Variants in EVL observed in about 807,000 individuals in gnomAD.
EVL encodes the protein ena/VASP-like protein.
Under a neutral mutation model 59.6 loss-of-function variants are expected in EVL, and 21 were observed. The observed-to-expected ratio is 0.35, with a 90% CI of 0.25 to 0.51. The LOEUF is 0.51. Ranked by LOEUF, EVL falls within the 20% of genes least tolerant of loss-of-function variation. EVL has a pLI of 0.97. For synonymous variants in EVL, 198 were observed against 203.5 expected, an observed-to-expected ratio of 0.97 and a Z score of 0.23; for missense variants, 462 against 546.6, an observed-to-expected ratio of 0.85 and a Z score of 1.54.
intron 1 of EVL, among the ~76,000 whole-genome samples, chr14:100,039,372 G>A (rs1595602309): frequency 6.6e-6 from 1 of 152,278 alleles, no homozygotes; most frequent in East Asian, 1.9e-4. Flanking sequence ...AAGTAGCTGG[G>A]ATTACAAGCA....
intron 11 of EVL, chr14:100,140,681 G>C (rs1427570849): frequency 6.5e-6 from 1 of 152,868 alleles, no homozygotes; most frequent in East Asian, 1.9e-4. Context: ...GCCCGAGCAG[G>C]CTCCAGCACC....
intron 3 of EVL, among the ~76,000 whole-genome samples, chr14:100,098,069 G>A (rs558367502): frequency 3.9e-5 from 6 of 152,184 alleles, no homozygotes; most frequent in South Asian, 2.1e-4. Context: ...GCAAGAAACC[G>A]TGTAGGCAAA....
chr14:100,096,585 T>C (rs1305867769), intron 2 of EVL, among the ~76,000 whole-genome samples: 1 of 152,230 alleles, frequency 6.6e-6, no homozygotes, highest in East Asian at 1.9e-4. Context: ...TGTCATGATG[T>C]TAGATCATCT....
Position 99,987,203 on chromosome 14 carries a change from TATGGTCTAA to T in EVL, c.5+15148_5+15156del, listed in dbSNP as rs1187936631. On this transcript the variant is annotated intron_variant, in intron 1 of 13. Transcript: ENST00000402714. ...TATATAAAGAACTCTTATATTTTGC[TATGGTCTAA>T]AAGTTTGTGTGCTCCCAAAATTCAT... is the stretch of plus-strand genomic sequence containing the variant. 3.6e-4 allele frequency among the ~76,000 whole-genome samples: 54 copies of T among 151,956 alleles called. 1 individual carries two copies. The highest frequency in any genetic ancestry group is 2.9e-5 in the Non-Finnish European group (2 of 67,906).
intron 3 of EVL, among the ~76,000 whole-genome samples, chr14:100,117,912 A>G (rs1192391375): frequency 1.3e-5 from 2 of 152,210 alleles, no homozygotes; most frequent in East Asian, 1.9e-4. Context: ...AGGCTCGCCC[A>G]GTGGCTGGAG....
In EVL at chr14:100,132,717, A is replaced by G; in HGVS notation, c.840-2A>G. Reference sequence around the variant, plus strand: ...CTGTATCTTCCCCTTCTCTGTGCCTAGGAGAAAAGCAGCCTCCCAGTCAGA... The same window carrying G: ...CTGTATCTTCCCCTTCTCTGTGCCTGGGAGAAAAGCAGCCTCCCAGTCAGA... On this transcript the variant is annotated splice_acceptor_variant, in intron 7 of 13. Coordinates refer to ENST00000392920, the MANE Select transcript of EVL (RefSeq NM_016337.3). LOFTEE classifies it high-confidence loss of function. 6.2e-7 allele frequency: 1 copy of G among 1,614,134 alleles called. No individual in the cohort carries two copies. The highest frequency in any genetic ancestry group is 8.5e-7 in the Non-Finnish European group (1 of 1,180,004).
chr14:100,018,999 A>G (rs931587106), intron 1 of EVL, among the ~76,000 whole-genome samples: 1 of 152,226 alleles, frequency 6.6e-6, no homozygotes, highest in Admixed American at 6.5e-5. Context: ...AAATGAGATC[A>G]CTAATAAGGA....
At chr14:100,120,010 T>C (rs147860520) in intron 3 of EVL, among the ~76,000 whole-genome samples, 1 of 152,300 alleles carries the variant, frequency 6.6e-6, no homozygotes, top group African/African-American at 2.4e-5. Flanking sequence ...CACAGGGTCC[T>C]CTAGCAGAAA....
At chr14:100,131,867 C>T (rs1888457018) in intron 7 of EVL, among the ~76,000 whole-genome samples, 1 of 152,150 alleles carries the variant, frequency 6.6e-6, no homozygotes, top group Admixed American at 6.5e-5. Context: ...GGTGGGCAGA[C>T]CTGTCCTGAG....
chr14:100,051,937 G>T (rs1023758281), intron 1 of EVL, among the ~76,000 whole-genome samples: 1 of 152,058 alleles, frequency 6.6e-6, no homozygotes, highest in Non-Finnish European at 1.5e-5. Flanking sequence ...CACATTTTAC[G>T]ATCTTCCTTA....
intron 1 of EVL, among the ~76,000 whole-genome samples, chr14:100,023,223 G>A (rs1342331062): frequency 7.7e-6 from 1 of 130,690 alleles, no homozygotes; most frequent in African/African-American, 2.9e-5. Flanking sequence ...TTTTTTTTTT[G>A]GAACACAGTC....
chr14:99,994,112 C>CTTTTTTTTTTTTTTTTTTT (rs751533422), intron 1 of EVL, among the ~76,000 whole-genome samples: 9 of 55,164 alleles, frequency 1.6e-4, no homozygotes, highest in African/African-American at 1.8e-4. Context: ...AGCCTTTTGG[C>CTTTTTTTTTTTTTTTTTTT]TTTTTTTTTT....
chr14:100,046,335 G>A (rs1338312334), intron 1 of EVL, among the ~76,000 whole-genome samples: 1 of 152,098 alleles, frequency 6.6e-6, no homozygotes, highest in Non-Finnish European at 1.5e-5. Flanking sequence ...AAGGCATTGG[G>A]TTATTTATTC....
Position 100,131,547 on chromosome 14 carries a change from T to A in EVL, c.840-1172T>A, listed in dbSNP as rs186095680. 4.6e-5 allele frequency among the ~76,000 whole-genome samples: 7 copies of A among 152,340 alleles called. No individual in the cohort carries two copies. In the East Asian group the frequency reaches 1.4e-3, roughly 29 times the overall value. On this transcript the variant is annotated intron_variant, in intron 7 of 13. Coordinates refer to ENST00000392920, the MANE Select transcript of EVL (RefSeq NM_016337.3). ...GAAATGAACGTGGACAGAAAGCTCC[T>A]GTTCAGCAGCACTTTCACAGACACT...
At chr14:100,131,316 G>A (rs772672196) in intron 7 of EVL, among the ~76,000 whole-genome samples, 4 of 152,220 alleles carry the variant, frequency 2.6e-5, no homozygotes, top group Admixed American at 6.5e-5. Flanking sequence ...GCCAGATGCC[G>A]GTGGGAGAGT....
At chr14:100,042,958 C>A (rs540783290) in intron 1 of EVL, among the ~76,000 whole-genome samples, 1 of 152,228 alleles carries the variant, frequency 6.6e-6, no homozygotes. Flanking sequence ...TCGACTGTCT[C>A]AAGGCCACCT....
At chr14:100,046,581 T>G in intron 1 of EVL, among the ~76,000 whole-genome samples, 1 of 151,730 alleles carries the variant, frequency 6.6e-6, no homozygotes, top group Non-Finnish European at 1.5e-5. Flanking sequence ...GTGGGAGGGT[T>G]GCTTGAGCCT....
At chr14:100,043,389 G>T (rs747351966) in intron 1 of EVL, among the ~76,000 whole-genome samples, 1 of 145,594 alleles carries the variant, frequency 6.9e-6, no homozygotes, top group Non-Finnish European at 1.5e-5. Flanking sequence ...AAAGTCCTAC[G>T]ATAGACCGTC....
At chr14:100,047,116 C>CTATTTTT (rs1158933445) in intron 1 of EVL, among the ~76,000 whole-genome samples, 1 of 28,458 alleles carries the variant, frequency 3.5e-5, no homozygotes, top group East Asian at 5.4e-4. Context: ...AGATCTCTCT[C>CTATTTTT]TCTTTTTTTT....
Sources: allele counts gnomAD v4.1 joint callset (sites outside exome capture counted in the v4.1 genomes callset), GRCh38; gene constraint gnomAD v4.1.1; transcripts MANE v1.5; gene names NCBI Gene and HGNC (gene_info 2026-07-23, HGNC 2026-07-21).